Variants in FRMD4A observed in about 807,000 individuals in gnomAD.
FRMD4A encodes the protein FERM domain-containing protein 4A.
A neutral mutation model predicts 129.1 loss-of-function variants in FRMD4A; 29 were observed. The ratio of observed to expected loss-of-function variants is 0.22; its 90% confidence interval spans 0.17 to 0.31. The LOEUF is 0.31. Among genes scored for constraint, FRMD4A ranks in the 10% least tolerant of loss-of-function variants. FRMD4A has a pLI of 1.00. For missense variants in FRMD4A, 1,272 were observed against 1,375.8 expected, an observed-to-expected ratio of 0.92 and a Z score of 1.19; for synonymous variants, 634 against 571.6, an observed-to-expected ratio of 1.11 and a Z score of -1.56.
At chr10:14,301,041 T>A (rs1846168294) in intron 2 of FRMD4A, among the ~76,000 whole-genome samples, 1 of 152,278 alleles carries the variant, frequency 6.6e-6, no homozygotes, top group Middle Eastern at 3.4e-3. Flanking sequence ...AGGTGAGAAG[T>A]CTCACATCCT....
At chr10:13,866,325 T>G (rs956064639) in intron 2 of FRMD4A, 4 of 966,300 alleles carry the variant, frequency 4.1e-6, no homozygotes, top group Non-Finnish European at 4.9e-6. Context: ...GGATGTCGGA[T>G]GCGGGACAGC....
chr10:13,847,106 T>A (rs1211304845), intron 3 of FRMD4A, among the ~76,000 whole-genome samples: 1 of 152,092 alleles, frequency 6.6e-6, no homozygotes, highest in African/African-American at 2.4e-5. Context: ...TTTGGAGAAC[T>A]GTGGGCTTGC....
At chr10:13,767,783 G>A (rs1009052417) in intron 6 of FRMD4A, among the ~76,000 whole-genome samples, 3 of 152,298 alleles carry the variant, frequency 2.0e-5, no homozygotes, top group East Asian at 3.9e-4. Context: ...GCAATCCACA[G>A]CTCTGCGGTG....
chr10:14,000,569 C>T (rs55688134), intron 2 of FRMD4A, among the ~76,000 whole-genome samples: 41,588 of 144,682 alleles, frequency 0.29, 7,036 homozygotes, highest in East Asian at 0.73. Context: ...ACCACCTGAA[C>T]CCAGGAAGAG....
At chr10:14,130,072 C>A (rs755635751) in intron 2 of FRMD4A, among the ~76,000 whole-genome samples, 1 of 152,110 alleles carries the variant, frequency 6.6e-6, no homozygotes, top group Non-Finnish European at 1.5e-5. Flanking sequence ...GCTTTGCTCT[C>A]CAGCCCAAGG....
chr10:13,752,702 A>G (rs960156151), intron 8 of FRMD4A, among the ~76,000 whole-genome samples: 5 of 152,216 alleles, frequency 3.3e-5, no homozygotes, highest in Non-Finnish European at 5.9e-5. Flanking sequence ...ATATTTTATG[A>G]GCAGAATCAT....
chr10:13,674,139 C>T (rs1305015485), intron 16 of FRMD4A, among the ~76,000 whole-genome samples: 1 of 152,204 alleles, frequency 6.6e-6, no homozygotes, highest in Non-Finnish European at 1.5e-5. Context: ...CACCAGATCA[C>T]AGGGTCTAAA....
At chr10:14,229,268 C>T (rs1843556516) in intron 2 of FRMD4A, among the ~76,000 whole-genome samples, 1 of 152,118 alleles carries the variant, frequency 6.6e-6, no homozygotes, top group Middle Eastern at 3.4e-3. Flanking sequence ...TAAAATAAAG[C>T]ATTGACCACA....
At chr10:13,803,324 T>G (rs1175592077) in intron 4 of FRMD4A, among the ~76,000 whole-genome samples, 3 of 152,118 alleles carry the variant, frequency 2.0e-5, no homozygotes, top group Non-Finnish European at 4.4e-5. Context: ...TTCCAAATTT[T>G]CTTTTTAAAA....
intron 2 of FRMD4A, among the ~76,000 whole-genome samples, chr10:14,097,626 T>A (rs1426515281): frequency 6.6e-6 from 1 of 152,036 alleles, no homozygotes; most frequent in Admixed American, 6.5e-5. Context: ...ATTATACTTA[T>A]AGATATATTA....
At chr10:14,165,660 G>A (rs1049029507) in intron 2 of FRMD4A, among the ~76,000 whole-genome samples, 3 of 152,148 alleles carry the variant, frequency 2.0e-5, no homozygotes, top group African/African-American at 7.2e-5. Context: ...ATACACCATA[G>A]AATACTACAC....
chr10:13,920,549 T>C (rs1166004599), intron 2 of FRMD4A, among the ~76,000 whole-genome samples: 1 of 152,184 alleles, frequency 6.6e-6, no homozygotes, highest in Non-Finnish European at 1.5e-5. Context: ...AATTTGGGCA[T>C]TGTGTTTTTG....
chr10:13,747,751 G>A lies in FRMD4A; in HGVS notation c.533C>T (p.Pro178Leu). Residue 178 changes from proline to leucine, a missense_variant, in exon 9 of 25, where the codon CCT (proline) becomes CTT (leucine). Transcript: ENST00000357447. ...ALPTQALKEH[P>L]SLAYCEDRVI... The stretch of plus-strand genomic sequence containing the variant: ...GGGGTCTTACCAGTAGGCCAGGGAA[G>A]GGTGCTCCTTCAGGGCTTGGGTGGG... 6.3e-7 allele frequency: 1 copy of A among 1,587,706 alleles called. No individual in the cohort carries two copies. The highest frequency in any genetic ancestry group is 8.6e-7 in the Non-Finnish European group (1 of 1,156,226).
At chr10:13,730,410 G>A (rs1008210452) in intron 12 of FRMD4A, among the ~76,000 whole-genome samples, 4 of 152,154 alleles carry the variant, frequency 2.6e-5, no homozygotes, top group Non-Finnish European at 4.4e-5. Flanking sequence ...CCCGAAACCC[G>A]TGGGATACCC....
rs112722853 is a variant in FRMD4A, at chr10:14,224,574, AT to A, written c.45+105483del. On this transcript the variant is annotated intron_variant, in intron 2 of 24. Coordinates refer to ENST00000357447, the MANE Select transcript of FRMD4A (RefSeq NM_018027.5). The stretch of plus-strand genomic sequence containing the variant: ...TTGTTTGCACTTTGATTAAATTTTG[AT>A]TTTTTTTTTCTGTGAAGAGTTTCAA... 4.2e-3 allele frequency among the ~76,000 whole-genome samples: 644 copies of A among 152,364 alleles called. 1 individual carries two copies. The highest frequency in any genetic ancestry group is 0.014 in the African/African-American group (577 of 41,572).
At chr10:14,202,838 T>C (rs966874629) in intron 2 of FRMD4A, among the ~76,000 whole-genome samples, 12 of 152,192 alleles carry the variant, frequency 7.9e-5, no homozygotes, top group Non-Finnish European at 1.6e-4. Flanking sequence ...AGCGGTGCAA[T>C]CATGGCTCAA....
chr10:14,071,497 A>G (rs981143534), intron 2 of FRMD4A, among the ~76,000 whole-genome samples: 8 of 152,224 alleles, frequency 5.3e-5, no homozygotes, highest in Admixed American at 2.0e-4. Flanking sequence ...TTCTTTGTAA[A>G]TGACTCAGTA....
At chr10:13,691,110 C>G (rs899441398) in intron 15 of FRMD4A, among the ~76,000 whole-genome samples, 1 of 152,178 alleles carries the variant, frequency 6.6e-6, no homozygotes, top group East Asian at 1.9e-4. Context: ...GCCTCAGCCT[C>G]GAAAATAACT....
intron 2 of FRMD4A, among the ~76,000 whole-genome samples, chr10:14,135,483 T>C (rs1252990731): frequency 6.6e-6 from 1 of 152,234 alleles, no homozygotes; most frequent in Non-Finnish European, 1.5e-5. Flanking sequence ...TGTGGCTGCG[T>C]TGGAGTCTCT....
Sources: gnomAD v4.1 joint callset for allele counts (sites outside exome capture counted in the v4.1 genomes callset) on GRCh38, gnomAD v4.1.1 for gene constraint, MANE v1.5 for transcripts, NCBI Gene and HGNC (gene_info 2026-07-23, HGNC 2026-07-21) for gene names.